NBEA: variants seen among roughly 807,000 people sequenced by gnomAD.
The protein encoded by NBEA is lysosomal-trafficking regulator 2.
A neutral mutation model predicts 343.4 loss-of-function variants in NBEA; 44 were observed. The observed-to-expected ratio is 0.13, with a 90% CI of 0.10 to 0.16. The LOEUF (loss-of-function observed/expected upper bound fraction) is 0.16, where lower values mean the gene tolerates loss of function less well. Ranked by LOEUF, NBEA falls within the 10% of genes least tolerant of loss-of-function variation. The probability of loss-of-function intolerance (pLI) is 1.00; values close to 1 mark genes in which losing one functional copy is unlikely to be tolerated. For missense variants in NBEA, 2,555 were observed against 3,631.3 expected, an observed-to-expected ratio of 0.70 and a Z score of 7.62; for synonymous variants, 1,175 against 1,238.7, an observed-to-expected ratio of 0.95 and a Z score of 1.08.
At chr13:35,565,505 G>A (rs1248572721) in intron 44 of NBEA, among the ~76,000 whole-genome samples, 1 of 152,056 alleles carries the variant, frequency 6.6e-6, no homozygotes, top group Non-Finnish European at 1.5e-5. Flanking sequence ...TACATGTGGT[G>A]TGTGCAACCA....
chr13:35,161,729 G>A (rs899694881), intron 22 of NBEA, 21 bp from the exon 23 acceptor site: 9 of 1,580,160 alleles, frequency 5.7e-6, no homozygotes, highest in Non-Finnish European at 7.8e-6. Flanking sequence ...TTCCACAAAA[G>A]TTCATCTTTT....
At chr13:35,426,058 GT>G (rs1215930213) in intron 38 of NBEA, among the ~76,000 whole-genome samples, 3 of 152,102 alleles carry the variant, frequency 2.0e-5, no homozygotes, top group Non-Finnish European at 4.4e-5. Flanking sequence ...CATGAGATGG[GT>G]TTTCTGAATA....
intron 23 of NBEA, 118 bp from the exon 24 acceptor site, chr13:35,164,233 ATAATT>A: frequency 1.2e-6 from 1 of 833,030 alleles, no homozygotes; most frequent in South Asian, 2.3e-5. Context: ...GCTTTATTTT[ATAATT>A]TAATTTTAAA....
At chr13:35,094,089 T>C (rs1593323123) in intron 10 of NBEA, among the ~76,000 whole-genome samples, 2 of 152,098 alleles carry the variant, frequency 1.3e-5, no homozygotes, top group South Asian at 4.1e-4. Context: ...TTTATACTTC[T>C]TAAAACTATA....
Position 35,555,018 on chromosome 13 carries a change from T to G in NBEA, c.6838T>G (p.Tyr2280Asp). The G allele has an allele frequency of 6.2e-7, 1 of 1,612,030 alleles. No homozygotes were observed. The highest frequency in any genetic ancestry group is 8.5e-7 in the Non-Finnish European group (1 of 1,178,618). ...RISLATPRQL[Y>D]KSSNMTQRWQ... Reference sequence around the variant, plus strand: ...ATCATTGGCCACTCCTCGACAGCTTTATAAATCTTCCAATATGACTCAGCG... The same window carrying G: ...ATCATTGGCCACTCCTCGACAGCTTGATAAATCTTCCAATATGACTCAGCG... The change falls in exon 44 of 59, where the codon TAT becomes GAT. Residue 2280 changes from tyrosine to aspartate, a missense_variant. Transcript: ENST00000379939.
At position 35,628,179 on chromosome 13, in the gene NBEA, T is replaced by C. The variant is rs768774229; in HGVS notation, c.7548T>C (p.Asn2516=). The change falls in exon 49 of 59, where the codon AAT becomes AAC. Residue 2516 remains asparagine (N), a synonymous_variant. Coordinates refer to ENST00000379939, the MANE Select transcript of NBEA (RefSeq NM_001385012.1). Reference sequence around the variant, plus strand: ...GACCAGAAGCAGTTCGTGCTCTGAATGTTTTTCACTACTTGACTTATGAAG... The same window carrying C: ...GACCAGAAGCAGTTCGTGCTCTGAACGTTTTTCACTACTTGACTTATGAAG... ...QRGPEAVRAL[N]VFHYLTYEGS... The C allele has an allele frequency of 1.2e-6, 2 of 1,613,424 alleles. No homozygotes were observed. The highest frequency in any genetic ancestry group is 2.2e-5 in the South Asian group (2 of 90,928).
chr13:35,149,301 CTG>C (rs1412105723), intron 18 of NBEA, among the ~76,000 whole-genome samples: 8 of 152,022 alleles, frequency 5.3e-5, no homozygotes, highest in African/African-American at 1.7e-4. Context: ...ATCATAGTAA[CTG>C]TTTTTTATTG....
intron 40 of NBEA, among the ~76,000 whole-genome samples, chr13:35,466,716 G>A (rs111649708): frequency 0.018 from 2,697 of 152,026 alleles, 100 homozygotes; most frequent in African/African-American, 0.061. Context: ...CAGTCCTCCC[G>A]CCTCAGCCTG....
intron 10 of NBEA, among the ~76,000 whole-genome samples, chr13:35,084,566 G>A (rs891339912): frequency 9.9e-5 from 15 of 152,128 alleles, no homozygotes; most frequent in African/African-American, 3.6e-4. Context: ...CAGAATCTCT[G>A]GGACACATTC....
At chr13:35,559,544 T>G (rs1593222278) in intron 44 of NBEA, among the ~76,000 whole-genome samples, 1 of 152,306 alleles carries the variant, frequency 6.6e-6, no homozygotes, top group East Asian at 1.9e-4. Context: ...CATAATATGT[T>G]TTAAACATTT....
intron 1 of NBEA, among the ~76,000 whole-genome samples, chr13:35,005,521 A>T (rs565842603): frequency 8.5e-5 from 13 of 152,314 alleles, no homozygotes; most frequent in African/African-American, 2.9e-4. Context: ...CTATGGAACT[A>T]TCAGGCTAAT....
At chr13:35,601,416 G>C (rs889329716) in intron 47 of NBEA, among the ~76,000 whole-genome samples, 4 of 152,120 alleles carry the variant, frequency 2.6e-5, no homozygotes, top group African/African-American at 7.2e-5. Context: ...ACAATAAATA[G>C]AGAAAATAAT....
intron 52 of NBEA, 71 bp from the exon 53 acceptor site, chr13:35,651,734 C>A: frequency 1.1e-6 from 1 of 876,364 alleles, no homozygotes; most frequent in Non-Finnish European, 1.9e-6. Flanking sequence ...CATCATAAAA[C>A]ACTACCCATT....
rs1413507984 is a variant in NBEA at position 35,054,832 on chromosome 13, CG to C, written c.973-1174del. ...CTAATTTTTGTATTTTTAGTAGACA[CG>C]GGGTTTCACCATGTTGGCCAGCCTG... On this transcript the variant is annotated intron_variant, in intron 6 of 58. Coordinates refer to ENST00000379939, the MANE Select transcript of NBEA (RefSeq NM_001385012.1). Among the ~76,000 whole-genome samples the C allele has an allele frequency of 7.9e-5, 12 of 151,622 alleles. No homozygotes were observed. The East Asian group carries it at 2.1e-3, about 27-fold the overall frequency.
At chr13:34,968,987 T>C (rs2059915010) in intron 1 of NBEA, among the ~76,000 whole-genome samples, 1 of 152,112 alleles carries the variant, frequency 6.6e-6, no homozygotes, top group South Asian at 2.1e-4. Flanking sequence ...TAGGTGGGCT[T>C]GAAAACTACC....
chr13:35,162,048 C>T (rs1254975227), intron 23 of NBEA, 81 bp downstream of exon 23: 1 of 1,149,772 alleles, frequency 8.7e-7, no homozygotes, highest in Non-Finnish European at 1.2e-6. Flanking sequence ...TTGACAAAAC[C>T]AAAAATCTGC....
At chr13:35,149,915 A>C (rs1392195289) in intron 18 of NBEA, among the ~76,000 whole-genome samples, 1 of 152,204 alleles carries the variant, frequency 6.6e-6, no homozygotes. Context: ...AAAGTGACTC[A>C]ACACAAGTAC....
intron 33 of NBEA, among the ~76,000 whole-genome samples, chr13:35,222,577 T>C (rs576496848): frequency 2.0e-5 from 3 of 152,224 alleles, no homozygotes; most frequent in African/African-American, 7.2e-5. Flanking sequence ...TATTATTTCA[T>C]TTTCTCTCCA....
chr13:35,652,753 G>T (rs2084613912), intron 53 of NBEA, among the ~76,000 whole-genome samples: 1 of 116,256 alleles, frequency 8.6e-6, no homozygotes, highest in Non-Finnish European at 1.6e-5. Flanking sequence ...GGAGTACAGT[G>T]GCGCGATCTC....
Sources: allele counts gnomAD v4.1 joint callset (sites outside exome capture counted in the v4.1 genomes callset), GRCh38; gene constraint gnomAD v4.1.1; transcripts MANE v1.5; gene names NCBI Gene and HGNC (gene_info 2026-07-23, HGNC 2026-07-21).